SUPT3H: variants seen among roughly 807,000 people sequenced by gnomAD.
SUPT3H encodes SPT3 homolog, SAGA and STAGA complex component.
Under a neutral mutation model 44.3 loss-of-function variants are expected in SUPT3H, and 44 were observed. The ratio of observed to expected loss-of-function variants is 0.99; its 90% CI spans 0.78 to 1.28. SUPT3H has a LOEUF of 1.28. SUPT3H is among the 50% of genes most tolerant of loss of function. The pLI is 0.00. For missense variants in SUPT3H, 380 were observed against 387.1 expected, an observed-to-expected ratio of 0.98 and a Z score of 0.15; for synonymous variants, 124 against 125.6, an observed-to-expected ratio of 0.99 and a Z score of 0.09.
chr6:45,259,290 G>C (rs993752956), intron 2 of SUPT3H, among the ~76,000 whole-genome samples: 19 of 151,920 alleles, frequency 1.3e-4, no homozygotes, highest in Admixed American at 1.2e-3. Flanking sequence ...TAATTACAAA[G>C]AATGGCTGCC....
At chr6:44,968,101 T>G (rs1010042173) in intron 6 of SUPT3H, among the ~76,000 whole-genome samples, 10 of 152,140 alleles carry the variant, frequency 6.6e-5, no homozygotes, top group Non-Finnish European at 1.2e-4. Flanking sequence ...CCAAAAAATT[T>G]TTTTTAATCT....
intron 2 of SUPT3H, among the ~76,000 whole-genome samples, chr6:45,240,559 AACTT>A (rs1770104332): frequency 6.6e-6 from 1 of 152,188 alleles, no homozygotes; most frequent in Non-Finnish European, 1.5e-5. Context: ...AGAAATAATG[AACTT>A]ACTTGTTTGG....
At chr6:44,885,325 C>T (rs538478838) in intron 10 of SUPT3H, among the ~76,000 whole-genome samples, 30 of 152,266 alleles carry the variant, frequency 2.0e-4, no homozygotes, top group Non-Finnish European at 4.3e-4. Context: ...CAAGTGGGTC[C>T]CTGACACCTG....
intron 2 of SUPT3H, chr6:45,159,385 T>TTCAAAA (rs1808561104): frequency 6.6e-6 from 1 of 152,148 alleles, no homozygotes; most frequent in African/African-American, 2.4e-5. Flanking sequence ...GCCTCTAGGC[T>TTCAAAA]TCAAAATCAA....
At chr6:44,938,474 G>A (rs942667556) in intron 9 of SUPT3H, among the ~76,000 whole-genome samples, 1 of 152,074 alleles carries the variant, frequency 6.6e-6, no homozygotes, top group Non-Finnish European at 1.5e-5. Flanking sequence ...TTGTTACTAT[G>A]GCCTCACAGT....
chr6:45,105,641 G>C (rs1409665178), intron 3 of SUPT3H, among the ~76,000 whole-genome samples: 1 of 152,132 alleles, frequency 6.6e-6, no homozygotes, highest in South Asian at 2.1e-4. Context: ...CTGCTGTGAT[G>C]ATGATGGCTG....
intron 2 of SUPT3H, among the ~76,000 whole-genome samples, chr6:45,163,458 C>T (rs1315505741): frequency 2.0e-5 from 3 of 152,080 alleles, no homozygotes; most frequent in Admixed American, 6.6e-5. Context: ...CCAGTAAATA[C>T]ATTAACTTTC....
At chr6:45,339,226 T>G (rs185769408) in intron 2 of SUPT3H, among the ~76,000 whole-genome samples, 1 of 152,232 alleles carries the variant, frequency 6.6e-6, no homozygotes, top group East Asian at 1.9e-4. Flanking sequence ...AGACTTCTTA[T>G]GTTACAGTGG....
At chr6:45,004,938 T>C (rs1583006563) in intron 5 of SUPT3H, among the ~76,000 whole-genome samples, 1 of 152,168 alleles carries the variant, frequency 6.6e-6, no homozygotes, top group Non-Finnish European at 1.5e-5. Flanking sequence ...AATCCCCTAT[T>C]GATGGGCATA....
At chr6:44,842,489 A>G (rs1771104034) in intron 10 of SUPT3H, among the ~76,000 whole-genome samples, 1 of 152,168 alleles carries the variant, frequency 6.6e-6, no homozygotes, top group African/African-American at 2.4e-5. Flanking sequence ...ACATGAGATC[A>G]TGAGGCTAGT....
intron 10 of SUPT3H, among the ~76,000 whole-genome samples, chr6:44,887,984 C>A (rs1762603102): frequency 6.6e-6 from 1 of 152,128 alleles, no homozygotes; most frequent in Non-Finnish European, 1.5e-5. Flanking sequence ...GAGAATACTA[C>A]AAACACCTCT....
rs67960187 is a variant in SUPT3H, at chr6:45,220,040, C to CAAA, written c.102-114037_102-114035dup. Among the ~76,000 whole-genome samples the CAAA allele has an allele frequency of 6.7e-4, 22 of 33,024 alleles. 1 individual carries two copies. Among genetic ancestry groups the CAAA allele is most frequent in the African/African-American group, 1.8e-3 (13 of 7,092 alleles). The allele number at this position is 33,024 out of a possible 152,430, so 21.7% of individuals were successfully genotyped here. On this transcript the variant is annotated intron_variant, in intron 2 of 10. Coordinates refer to ENST00000371459, the MANE Select transcript of SUPT3H (RefSeq NM_003599.4). ...GGTGACCGAGAGAGAGACTCTGTCT[C>CAAA]AAAAAAAAAAAAAAAAAAAAAAAAA... is the stretch of plus-strand genomic sequence containing the variant.
At chr6:45,017,470 T>G (rs1784469299) in intron 4 of SUPT3H, among the ~76,000 whole-genome samples, 3 of 152,046 alleles carry the variant, frequency 2.0e-5, no homozygotes, top group Admixed American at 6.6e-5. Context: ...AGGGTTTTTA[T>G]GGTTTTAGGT....
intron 1 of SUPT3H, among the ~76,000 whole-genome samples, chr6:45,374,878 T>G (rs1442297253): frequency 6.6e-6 from 1 of 152,208 alleles, no homozygotes; most frequent in African/African-American, 2.4e-5. Flanking sequence ...TATTTATTAT[T>G]TAGACACAAA....
intron 2 of SUPT3H, among the ~76,000 whole-genome samples, chr6:45,245,274 T>C (rs1771140609): frequency 6.6e-6 from 1 of 152,154 alleles, no homozygotes; most frequent in African/African-American, 2.4e-5. Context: ...TGAACTTTTC[T>C]TTGTGTGGTA....
In SUPT3H at chr6:45,322,942, C is replaced by T. The variant is rs1192551470; in HGVS notation, c.101+42259G>A. On this transcript the variant is annotated intron_variant, in intron 2 of 10. Coordinates refer to ENST00000371459, the MANE Select transcript of SUPT3H (RefSeq NM_003599.4). ...GAGTCCATGGAGAAAAGCCACAGTG[C>T]TACAGCTGTTATTGATAAGCAGTTT... 6 of 1,610,012 alleles carry T rather than the reference C, an allele frequency of 3.7e-6. No homozygotes were observed. In the African/African-American group the frequency reaches 4.0e-5, roughly 11 times the overall value.
chr6:45,374,101 G>A (rs1796460179), intron 1 of SUPT3H, among the ~76,000 whole-genome samples: 1 of 152,090 alleles, frequency 6.6e-6, no homozygotes, highest in Non-Finnish European at 1.5e-5. Flanking sequence ...GATGAGGATG[G>A]GTACTAATTC....
At chr6:44,856,941 GA>G (rs2153423807) in intron 10 of SUPT3H, among the ~76,000 whole-genome samples, 1 of 152,264 alleles carries the variant, frequency 6.6e-6, no homozygotes, top group African/African-American at 2.4e-5. Flanking sequence ...AAATCATGGG[GA>G]CTTCGGTATT....
chr6:45,132,632 T>C (rs555578945), intron 2 of SUPT3H, among the ~76,000 whole-genome samples: 1 of 152,348 alleles, frequency 6.6e-6, no homozygotes, highest in South Asian at 2.1e-4. Flanking sequence ...CACTATTTTT[T>C]ATTGATGATT....
Sources: allele counts gnomAD v4.1 joint callset (sites outside exome capture counted in the v4.1 genomes callset), GRCh38; gene constraint gnomAD v4.1.1; transcripts MANE v1.5; gene names NCBI Gene and HGNC (gene_info 2026-07-23, HGNC 2026-07-21).